TIAM2: variants seen among roughly 807,000 people sequenced by gnomAD.
The protein encoded by TIAM2 is rho guanine nucleotide exchange factor TIAM2.
Under a neutral mutation model 152.9 loss-of-function variants are expected in TIAM2, and 80 were observed. The ratio of observed to expected loss-of-function variants is 0.52; its 90% confidence interval spans 0.44 to 0.63. The LOEUF is 0.63. Ranked by LOEUF, TIAM2 falls within the 30% of genes least tolerant of loss-of-function variation. The pLI, the probability that TIAM2 is intolerant of heterozygous loss-of-function variation, is 0.00. For synonymous variants in TIAM2, 804 were observed against 838.0 expected, an observed-to-expected ratio of 0.96 and a Z score of 0.70; for missense variants, 1,965 against 2,120.1, an observed-to-expected ratio of 0.93 and a Z score of 1.44.
intron 15 of TIAM2, among the ~76,000 whole-genome samples, chr6:155,215,851 A>G (rs1781844879): frequency 6.6e-6 from 1 of 150,856 alleles, no homozygotes; most frequent in Non-Finnish European, 1.5e-5. Context: ...CCTGTTGTGC[A>G]GCCTGGAGTG....
At chr6:155,195,798 A>AG (rs1781329803) in intron 14 of TIAM2, among the ~76,000 whole-genome samples, 1 of 152,198 alleles carries the variant, frequency 6.6e-6, no homozygotes, top group Admixed American at 6.5e-5. Context: ...CGTGGCCGTC[A>AG]GGGGGCAAAG....
chr6:155,025,250 G>T (rs1422197645), intron 1 of TIAM2, among the ~76,000 whole-genome samples: 2 of 150,214 alleles, frequency 1.3e-5, no homozygotes, highest in African/African-American at 4.9e-5. Flanking sequence ...CTGGAGTGCA[G>T]TGGCATGATC....
chr6:155,049,118 A>G (rs1247441857), intron 1 of TIAM2, among the ~76,000 whole-genome samples: 1 of 152,162 alleles, frequency 6.6e-6, no homozygotes, highest in Non-Finnish European at 1.5e-5. Context: ...ACTCTTTGAA[A>G]GGGAGCACGG....
rs546247271 is a variant in TIAM2, at chr6:155,148,233, C to T, written c.1927C>T (p.Leu643=). The change falls in exon 7 of 27, where the codon CTG becomes TTG. Residue 643 remains leucine, a synonymous_variant. Transcript: ENST00000682666. ...LRLLKNQTKN[L]LQKIDMDSKM... is the part of the protein sequence containing the mutation. ...GCTGCTGAAGAACCAGACCAAAAAC[C>T]TGCTTCAGAAGATAGACATGGACAG... 52 of 1,613,004 alleles carry T rather than the reference C, an allele frequency of 3.2e-5. No individual in the cohort carries two copies. In the Admixed American group the frequency reaches 8.7e-4, roughly 27 times the overall value.
intron 1 of TIAM2, among the ~76,000 whole-genome samples, chr6:155,044,787 C>T (rs112634302): frequency 0.065 from 9,909 of 151,552 alleles, 727 homozygotes; most frequent in African/African-American, 0.18. Context: ...ACTCCAGCCA[C>T]GGTGCACTCC....
At chr6:155,161,304 A>C (rs1471909949) in intron 7 of TIAM2, among the ~76,000 whole-genome samples, 1 of 152,068 alleles carries the variant, frequency 6.6e-6, no homozygotes, top group Non-Finnish European at 1.5e-5. Context: ...CTCCCAACTC[A>C]GCCTCTCAAG....
Position 155,000,754 on chromosome 6 carries a change from G to T in TIAM2, c.-209+5262G>T, listed in dbSNP as rs552779958. On this transcript the variant is annotated intron_variant, in intron 1 of 26. Transcript: ENST00000682666. ...AATCCCAGTACTCTGGGAGGCCGAC[G>T]CTGGGGATCACTTGAGGTTGGGAGT... Among the ~76,000 whole-genome samples the T allele has an allele frequency of 5.3e-5, 8 of 152,244 alleles. 1 individual carries two copies. Among genetic ancestry groups the T allele is most frequent in the African/African-American group, 1.9e-4 (8 of 41,556 alleles).
intron 2 of TIAM2, among the ~76,000 whole-genome samples, chr6:155,104,666 G>A (rs545598767): frequency 8.6e-5 from 13 of 151,590 alleles, no homozygotes; most frequent in East Asian, 3.9e-4. Context: ...CTGAGGCAGG[G>A]GAATCGCTTG....
chr6:155,209,081 C>G (rs915100924), intron 14 of TIAM2, among the ~76,000 whole-genome samples: 2 of 151,876 alleles, frequency 1.3e-5, no homozygotes, highest in African/African-American at 4.8e-5. Flanking sequence ...GTTTTAAGGG[C>G]CCAGGGAGAA....
chr6:155,017,664 C>T (rs527780124), intron 1 of TIAM2, among the ~76,000 whole-genome samples: 63 of 151,930 alleles, frequency 4.1e-4, no homozygotes, highest in African/African-American at 1.4e-3. Flanking sequence ...CCACCACGCC[C>T]GGCTAATTTT....
chr6:155,034,690 C>T (rs1776891322), intron 1 of TIAM2, among the ~76,000 whole-genome samples: 1 of 152,178 alleles, frequency 6.6e-6, no homozygotes, highest in African/African-American at 2.4e-5. Flanking sequence ...TGCCTCAGAG[C>T]ATGTGCTTTG....
chr6:155,137,340 C>T lies in TIAM2; in HGVS notation c.1358C>T (p.Pro453Leu). 2 of 1,614,172 alleles carry T rather than the reference C, an allele frequency of 1.2e-6. No homozygotes were observed. Among genetic ancestry groups the T allele is most frequent in the South Asian group, 1.1e-5 (1 of 91,072 alleles). ...TCCACACATGCGATTGGCAGCGATCCCCTCCGGCAGAACATTTATGAGAAT... is the reference window on the plus strand; with the variant it reads ...TCCACACATGCGATTGGCAGCGATCTCCTCCGGCAGAACATTTATGAGAAT... ...SESTHAIGSD[P>L]LRQNIYENFM... The change falls in exon 5 of 27, where the codon CCC (proline) becomes CTC (leucine). Residue 453 changes from proline to leucine, a missense_variant. Physicochemically the swap from Pro to Leu is moderately conservative, Grantham distance 98. This residue lies in a region of TIAM2 where 1,025 missense variants were observed against 1,119.4 expected (regional missense o/e 0.92). Transcript: ENST00000682666.
At chr6:155,121,381 C>T (rs982798732) in intron 2 of TIAM2, among the ~76,000 whole-genome samples, 2 of 152,190 alleles carry the variant, frequency 1.3e-5, no homozygotes, top group African/African-American at 4.8e-5. Context: ...TATGTTTCCA[C>T]ACTTGATTCT....
At chr6:155,148,471 C>T in intron 7 of TIAM2, 137 bp downstream of exon 7, 1 of 901,646 alleles carries the variant, frequency 1.1e-6, no homozygotes, top group Non-Finnish European at 1.7e-6. Context: ...GAAATAATTT[C>T]TGTGGTTTTT....
Position 155,129,700 on chromosome 6 carries a change from C to A in TIAM2, c.477C>A (p.Pro159=). 6.2e-7 allele frequency: 1 copy of A among 1,614,052 alleles called. No individual in the cohort carries two copies. The highest frequency in any genetic ancestry group is 8.5e-7 in the Non-Finnish European group (1 of 1,180,002). ...CACCGGGCGAAGACCGCAAGAGCCC[C>A]CGAGTGCTCATCAAAACGCTGGGGA... is the stretch of plus-strand genomic sequence containing the variant. ...STPPGEDRKS[P]RVLIKTLGKL... Residue 159 remains proline (P), a synonymous_variant, in exon 4 of 27, where the codon CCC becomes CCA. Transcript: ENST00000682666. This position sits in a 1 kb window ranked among gnomAD's most constrained non-coding sequence, Gnocchi z 4.8.
chr6:155,108,736 A>G (rs1778757939), intron 2 of TIAM2, among the ~76,000 whole-genome samples: 1 of 151,640 alleles, frequency 6.6e-6, no homozygotes, highest in Admixed American at 6.6e-5. Context: ...ATTAAGTAAA[A>G]CAGATGATTC....
intron 14 of TIAM2, among the ~76,000 whole-genome samples, chr6:155,200,916 A>T (rs1225652045): frequency 6.6e-6 from 1 of 152,082 alleles, no homozygotes; most frequent in Non-Finnish European, 1.5e-5. Context: ...ATAAAATAAA[A>T]TAAATAAACA....
intron 1 of TIAM2, among the ~76,000 whole-genome samples, chr6:155,027,152 C>T (rs894034360): frequency 7.9e-5 from 12 of 151,676 alleles, no homozygotes; most frequent in Admixed American, 3.3e-4. Flanking sequence ...TCTCCTGCCT[C>T]AGCCTCCTGA....
At chr6:155,164,814 A>G (rs1001884028) in intron 8 of TIAM2, among the ~76,000 whole-genome samples, 1 of 152,244 alleles carries the variant, frequency 6.6e-6, no homozygotes, top group African/African-American at 2.4e-5. Context: ...TCTAGAGTCC[A>G]GCAGCTAGTG....
Sources: allele counts gnomAD v4.1 joint callset (sites outside exome capture counted in the v4.1 genomes callset), GRCh38; gene constraint gnomAD v4.1.1; regional missense constraint gnomAD v4.1.1; non-coding constraint Gnocchi (gnomAD v3.1); transcripts MANE v1.5; gene names NCBI Gene and HGNC (gene_info 2026-07-23, HGNC 2026-07-21).